Variants in CBX5 observed in about 807,000 individuals in gnomAD.
CBX5 encodes the protein chromobox 5, also known as chromobox protein homolog 5.
CBX5 carries 7 observed loss-of-function variants against 20.7 expected under a neutral mutation model. That is an observed-to-expected ratio of 0.34 (90% CI 0.19 to 0.63). The LOEUF (loss-of-function observed/expected upper bound fraction) is 0.63. Among genes scored for constraint, CBX5 ranks in the 30% least tolerant of loss-of-function variants. The pLI is 0.75. For synonymous variants in CBX5, 78 were observed against 77.0 expected, an observed-to-expected ratio of 1.01 and a Z score of -0.07; for missense variants, 110 against 224.1, an observed-to-expected ratio of 0.49 and a Z score of 3.25.
At chr12:54,263,044 T>A (rs1300083636) in intron 1 of CBX5, 1 of 152,226 alleles carries the variant, frequency 6.6e-6, no homozygotes, top group East Asian at 1.9e-4. Flanking sequence ...TAACTATAGA[T>A]TACAGCACCT....
intron 3 of CBX5, among the ~76,000 whole-genome samples, chr12:54,247,649 G>A (rs1162361742): frequency 6.6e-6 from 1 of 152,052 alleles, no homozygotes; most frequent in Non-Finnish European, 1.5e-5. Flanking sequence ...ACACTGATGA[G>A]AGCCAAAAAG....
Position 54,266,417 on chromosome 12 carries a change from A to T in CBX5, c.-42-8725T>A, listed in dbSNP as rs568443674. Among the ~76,000 whole-genome samples the T allele has an allele frequency of 1.1e-4, 17 of 152,228 alleles. No homozygotes were observed. The South Asian group carries it at 2.7e-3, about 24-fold the overall frequency. On this transcript the variant is annotated intron_variant, in intron 1 of 4. Coordinates refer to ENST00000209875, the MANE Select transcript of CBX5 (RefSeq NM_012117.3). ...CATCTCAAAAAAAATAAAAAATAAA[A>T]AAATAAATATAAAAACATATACTTG... is the stretch of plus-strand genomic sequence containing the variant.
chr12:54,266,261 G>C (rs925378054), intron 1 of CBX5, among the ~76,000 whole-genome samples: 1 of 151,660 alleles, frequency 6.6e-6, no homozygotes, highest in Non-Finnish European at 1.5e-5. Flanking sequence ...AGCCAGGCAT[G>C]GTGGTGGGCA....
intron 1 of CBX5, among the ~76,000 whole-genome samples, chr12:54,264,869 G>A (rs902355266): frequency 2.6e-5 from 4 of 151,750 alleles, no homozygotes; most frequent in African/African-American, 9.7e-5. Flanking sequence ...GAAAAAGAAA[G>A]CCAATTGGTA....
intron 1 of CBX5, among the ~76,000 whole-genome samples, chr12:54,259,816 A>G (rs1390234830): frequency 6.6e-6 from 1 of 152,244 alleles, no homozygotes; most frequent in Non-Finnish European, 1.5e-5. Context: ...TAGGTTTTAA[A>G]TCCAGTATTT....
intron 4 of CBX5, among the ~76,000 whole-genome samples, chr12:54,245,301 G>T (rs1295203443): frequency 6.6e-6 from 1 of 152,008 alleles, no homozygotes; most frequent in African/African-American, 2.4e-5. Flanking sequence ...GTGAGCCACT[G>T]CATCCGACCT....
Position 54,234,237 on chromosome 12 carries a change from C to T in CBX5, c.*7518G>A, listed in dbSNP as rs947652026. ...AATATGGATACTCTAGGTACAGGAA[C>T]CATTCCAAGACCTAAATAGATTTTT... On this transcript the variant is annotated 3_prime_UTR_variant, in exon 5 of 5. Coordinates refer to ENST00000209875, the MANE Select transcript of CBX5 (RefSeq NM_012117.3). The T allele has an allele frequency of 2.9e-5, 4 of 139,650 alleles. No individual in the cohort carries two copies. The highest frequency in any genetic ancestry group is 1.1e-4 in the African/African-American group (4 of 37,914). The allele number at this position is 139,650 out of a possible 1,614,324, so 8.7% of individuals were successfully genotyped here.
intron 1 of CBX5, among the ~76,000 whole-genome samples, chr12:54,265,394 T>G (rs1246604629): frequency 6.6e-6 from 1 of 152,210 alleles, no homozygotes; most frequent in Non-Finnish European, 1.5e-5. Context: ...TTGCAGTGGA[T>G]TTATGATTTC....
chr12:54,240,387 T>G lies in CBX5; in HGVS notation c.*1368A>C, dbSNP rs1217276681. The G allele has an allele frequency of 6.6e-6, 1 of 152,182 alleles. No individual in the cohort carries two copies. The highest frequency in any genetic ancestry group is 6.5e-5 in the Admixed American group (1 of 15,270). The allele number at this position is 152,182 out of a possible 1,614,324, so 9.4% of individuals were successfully genotyped here. A position where few individuals can be genotyped will look rare whatever the true frequency, so the allele number is the denominator to read the frequency against. On this transcript the variant is annotated 3_prime_UTR_variant, in exon 5 of 5. Transcript: ENST00000209875. ...GTGACAGTCTTTCAGGAACATGCCT[T>G]TATTTTTATTTATATTTTTTAGAGA...
chr12:54,243,215 G>T (rs979280450), intron 4 of CBX5, among the ~76,000 whole-genome samples: 2 of 152,218 alleles, frequency 1.3e-5, no homozygotes, highest in African/African-American at 4.8e-5. Context: ...CTCAAATTTG[G>T]ACTATGGTGG....
chr12:54,248,113 GA>G lies in CBX5; in HGVS notation c.325-1899del, dbSNP rs1234987314. 5.3e-5 allele frequency among the ~76,000 whole-genome samples: 8 copies of G among 152,182 alleles called. No individual in the cohort carries two copies. The East Asian group carries it at 1.5e-3, about 29-fold the overall frequency. On this transcript the variant is annotated intron_variant, in intron 3 of 4. Coordinates refer to ENST00000209875, the MANE Select transcript of CBX5 (RefSeq NM_012117.3). The stretch of plus-strand genomic sequence containing the variant: ...CTGCCTCGGCCTCCCAAAGTGCTGA[GA>G]TTACAGATGTGAGCCATCACACCCG...
intron 1 of CBX5, among the ~76,000 whole-genome samples, chr12:54,261,922 A>G (rs1943918435): frequency 6.6e-6 from 1 of 152,234 alleles, no homozygotes; most frequent in South Asian, 2.1e-4. Flanking sequence ...TTCTGTAAAA[A>G]TATGTCAGGG....
intron 2 of CBX5, 132 bp downstream of exon 2, chr12:54,257,382 G>A: frequency 1.2e-6 from 1 of 818,640 alleles, no homozygotes. Flanking sequence ...CTTTACTGCT[G>A]TGTCTTCTAA....
chr12:54,267,522 T>G (rs1183871725), intron 1 of CBX5, among the ~76,000 whole-genome samples: 1 of 152,042 alleles, frequency 6.6e-6, no homozygotes, highest in Non-Finnish European at 1.5e-5. Flanking sequence ...TCTCTTTTTT[T>G]TTTTTTTGAG....
chr12:54,254,799 G>T (rs968644137), intron 2 of CBX5, among the ~76,000 whole-genome samples: 1 of 151,944 alleles, frequency 6.6e-6, no homozygotes, highest in African/African-American at 2.4e-5. Context: ...GTTGCAGTGA[G>T]CCAAGATCAC....
chr12:54,257,537 T>C lies in CBX5; in HGVS notation c.114A>G (p.Leu38=), dbSNP rs557409017. Residue 38 remains leucine (L), a synonymous_variant, in exon 2 of 5, where the codon CTA becomes CTG. Coordinates refer to ENST00000209875, the MANE Select transcript of CBX5 (RefSeq NM_012117.3). The part of the protein sequence containing the change: ...RRVVKGQVEY[L]LKWKGFSEEH... ...ACTCAGAAAAGCCTTTCCACTTCAGTAGATATTCCACTTGTCCCTTAACCA... is the reference window on the plus strand; with the variant it reads ...ACTCAGAAAAGCCTTTCCACTTCAGCAGATATTCCACTTGTCCCTTAACCA... The C allele has an allele frequency of 1.9e-5, 31 of 1,614,168 alleles. No individual in the cohort carries two copies. In the African/African-American group the frequency reaches 2.7e-4, roughly 14 times the overall value.
In CBX5 at chr12:54,257,518, A is replaced by G; in HGVS notation, c.133T>C (p.Ser45Pro). Residue 45 changes from serine (S) to proline (P), a missense_variant, in exon 2 of 5, where the codon TCT becomes CCT. Ser to Pro is a moderately conservative substitution (Grantham distance 74, BLOSUM62 -1). Transcript: ENST00000209875. ...TGGGGGAAAAAAGGAACTTACTCAG[A>G]AAAGCCTTTCCACTTCAGTAGATAT... ...VEYLLKWKGF[S>P]EEHNTWEPEK... is the part of the protein sequence containing the mutation. 6.2e-7 allele frequency: 1 copy of G among 1,614,184 alleles called. No homozygotes were observed. Among genetic ancestry groups the G allele is most frequent in the Non-Finnish European group, 8.5e-7 (1 of 1,180,028 alleles).
At chr12:54,260,160 C>CAAAAAAAAA (rs368171294) in intron 1 of CBX5, among the ~76,000 whole-genome samples, 2 of 74,992 alleles carry the variant, frequency 2.7e-5, no homozygotes, top group Non-Finnish European at 5.6e-5. Flanking sequence ...AAACAACAAC[C>CAAAAAAAAA]AAAAAAAAAA....
In CBX5 at chr12:54,236,801, T is replaced by A. The variant is rs879362247; in HGVS notation, c.*4954A>T. The stretch of plus-strand genomic sequence containing the variant: ...AACTGAACCTTAAGGTAGAGACAAT[T>A]GCTCCCCGGGCCAAACACAGATCCC... On this transcript the variant is annotated 3_prime_UTR_variant, in exon 5 of 5. Coordinates refer to ENST00000209875, the MANE Select transcript of CBX5 (RefSeq NM_012117.3). 1 of 152,096 alleles carries A rather than the reference T, an allele frequency of 6.6e-6. No individual in the cohort carries two copies. The highest frequency in any genetic ancestry group is 2.4e-5 in the African/African-American group (1 of 41,410). The allele number at this position is 152,096 out of a possible 1,614,324, so 9.4% of individuals were successfully genotyped here.
Sources: gnomAD v4.1 joint callset for allele counts (sites outside exome capture counted in the v4.1 genomes callset) on GRCh38, gnomAD v4.1.1 for gene constraint, MANE v1.5 for transcripts, NCBI Gene and HGNC (gene_info 2026-07-23, HGNC 2026-07-21) for gene names.